KLKB1: variants seen among roughly 807,000 people sequenced by gnomAD.
KLKB1 encodes the protein kallikrein B1, also known as plasma kallikrein.
Under a neutral mutation model 73.6 loss-of-function variants are expected in KLKB1, and 58 were observed. The observed-to-expected ratio is 0.79, with a 90% CI of 0.64 to 0.98. The LOEUF is 0.98. Ranked by LOEUF, KLKB1 falls within the 50% of genes least tolerant of loss-of-function variation. The pLI is 0.00. For synonymous variants in KLKB1, 280 were observed against 258.1 expected (o/e 1.08, Z -0.81); for missense variants, 737 against 763.8 (o/e 0.96, Z 0.41).
intron 2 of KLKB1, among the ~76,000 whole-genome samples, chr4:186,213,967 C>T (rs941183327): frequency 2.0e-4 from 30 of 152,076 alleles, no homozygotes; most frequent in African/African-American, 7.0e-4. Context: ...CATCTTTTTC[C>T]TTCCCCAGCA....
chr4:186,217,021 T>C (rs35834666), intron 2 of KLKB1, among the ~76,000 whole-genome samples: 16,077 of 152,262 alleles, frequency 0.11, 932 homozygotes, highest in South Asian at 0.19. Context: ...TCCCCAGGAT[T>C]TGAGTGGGAG....
intron 2 of KLKB1, among the ~76,000 whole-genome samples, chr4:186,230,225 A>G (rs1309472095): frequency 1.3e-5 from 2 of 152,196 alleles, no homozygotes; most frequent in East Asian, 3.8e-4. Flanking sequence ...CAGTATACAA[A>G]CACTGGTTAT....
chr4:186,222,430 A>G (rs1737052239), upstream of KLKB1, among the ~76,000 whole-genome samples: 1 of 152,172 alleles, frequency 6.6e-6, no homozygotes, highest in Admixed American at 6.5e-5. Flanking sequence ...TATATCTACT[A>G]CAGACTTTTT....
intron 6 of KLKB1, among the ~76,000 whole-genome samples, chr4:186,242,285 A>G (rs1738095546): frequency 6.6e-6 from 1 of 151,696 alleles, no homozygotes; most frequent in Admixed American, 6.6e-5. Flanking sequence ...CAGGTCATCT[A>G]GATGTATACG....
chr4:186,229,600 G>T (rs991464955), intron 2 of KLKB1, among the ~76,000 whole-genome samples: 3 of 152,020 alleles, frequency 2.0e-5, no homozygotes, highest in Non-Finnish European at 4.4e-5. Context: ...GAATATTTTT[G>T]AAGGTTTTGT....
rs201143941 is a variant in KLKB1 at position 186,256,099 on chromosome 4, G to A, written c.1585+12G>A. 5.7e-5 allele frequency: 88 copies of A among 1,530,564 alleles called. No individual in the cohort carries two copies. Among genetic ancestry groups the A allele is most frequent in the Admixed American group, 1.0e-4 (6 of 59,898 alleles). 94.8% of individuals were successfully genotyped at this position (1,530,564 alleles called of 1,614,324 possible). ...CTCGAAGGAGAAAGGTAAGCATGAC[G>A]CTTTAAATATTGCTTCTAGAGTAAG... is the stretch of plus-strand genomic sequence containing the variant. On this transcript the variant is annotated intron_variant, in intron 13 of 14. Transcript: ENST00000264690.
chr4:186,247,453 A>G (rs1738415696), intron 6 of KLKB1, among the ~76,000 whole-genome samples: 2 of 152,202 alleles, frequency 1.3e-5, no homozygotes, highest in African/African-American at 4.8e-5. Context: ...CTTCTGAGCC[A>G]GGAGAAGGAA....
At chr4:186,235,350 T>TTTCCTAACTTCATCACC (rs57182850) in intron 4 of KLKB1, among the ~76,000 whole-genome samples, 1 of 151,678 alleles carries the variant, frequency 6.6e-6, no homozygotes, top group East Asian at 1.9e-4. Context: ...TTTAATGTTT[T>TTTCCTAACTTCATCACC]TTAAAGTGAA....
intron 13 of KLKB1, among the ~76,000 whole-genome samples, chr4:186,256,774 A>G (rs1175248108): frequency 6.6e-6 from 1 of 152,192 alleles, no homozygotes; most frequent in Non-Finnish European, 1.5e-5. Context: ...TATATAAAGC[A>G]AAAAAATGAA....
Position 186,257,296 on chromosome 4 carries a change from T to A in KLKB1, c.1656T>A (p.Tyr552Ter), listed in dbSNP as rs774873088. ...CAAATGAAGAATGCCAGAAAAGATA[T>A]CAAGATTATAAAATAACCCAACGGA... ...LVTNEECQKR[Y>*]QDYKITQRMV... Residue 552 changes from tyrosine to a stop codon, truncating the protein, a stop_gained, in exon 14 of 15, where the codon TAT (tyrosine) becomes TAA (stop). Transcript: ENST00000264690. LOFTEE classifies it high-confidence loss of function. 1.9e-6 allele frequency: 3 copies of A among 1,603,934 alleles called. No individual in the cohort carries two copies. The Admixed American group carries it at 5.0e-5, about 27-fold the overall frequency.
intron 2 of KLKB1, among the ~76,000 whole-genome samples, chr4:186,220,883 A>C (rs1411195856): frequency 6.6e-6 from 1 of 152,196 alleles, no homozygotes; most frequent in East Asian, 1.9e-4. Flanking sequence ...TTTGAGAAGG[A>C]TTGGTGTTAA....
At chr4:186,228,063 T>G in intron 1 of KLKB1, 132 bp from the exon 2 acceptor site, 1 of 648,674 alleles carries the variant, frequency 1.5e-6, no homozygotes, top group Non-Finnish European at 2.8e-6. Context: ...AAACCCTTGT[T>G]TTCTATACCA....
intron 6 of KLKB1, among the ~76,000 whole-genome samples, chr4:186,249,159 A>G (rs557399565): frequency 5.4e-4 from 83 of 152,338 alleles, no homozygotes; most frequent in African/African-American, 1.9e-3. Context: ...GAAGCACCAA[A>G]GTTTTTAAAC....
intron 1 of KLKB1, among the ~76,000 whole-genome samples, 151 bp downstream of exon 1, chr4:186,227,738 A>G (rs780129064): frequency 3.9e-5 from 6 of 152,220 alleles, no homozygotes; most frequent in Non-Finnish European, 8.8e-5. Flanking sequence ...AAATATTTAA[A>G]TGTAAGATGA....
chr4:186,215,024 G>C (rs906675734), intron 2 of KLKB1, among the ~76,000 whole-genome samples: 2 of 152,014 alleles, frequency 1.3e-5, no homozygotes, highest in Admixed American at 1.3e-4. Context: ...CTCAATTTAT[G>C]TTTCACAGAA....
intron 2 of KLKB1, among the ~76,000 whole-genome samples, chr4:186,231,601 G>A (rs1048193670): frequency 2.0e-5 from 3 of 152,236 alleles, no homozygotes; most frequent in South Asian, 2.1e-4. Flanking sequence ...CTGGGTGACC[G>A]TCACAGGACT....
chr4:186,233,053 T>G (rs1737481597), intron 3 of KLKB1, among the ~76,000 whole-genome samples: 1 of 152,090 alleles, frequency 6.6e-6, no homozygotes, highest in Admixed American at 6.6e-5. Context: ...TAGCTGGGAT[T>G]ACAGGCACGC....
At chr4:186,238,994 G>A (rs1737856086) in intron 6 of KLKB1, among the ~76,000 whole-genome samples, 1 of 122,074 alleles carries the variant, frequency 8.2e-6, no homozygotes, top group Admixed American at 8.4e-5. Context: ...ATAGGACAGT[G>A]ATATTGTTAT....
Position 186,258,403 on chromosome 4 carries a change from G to C in KLKB1, c.*191G>C, listed in dbSNP as rs1739135325. Reference sequence around the variant, plus strand: ...CGCTTTCAGCACGCCGTAACCAGGGGCTGACAATGCGAGGTCGCAACTGAG... The same window carrying C: ...CGCTTTCAGCACGCCGTAACCAGGGCCTGACAATGCGAGGTCGCAACTGAG... On this transcript the variant is annotated 3_prime_UTR_variant, in exon 15 of 15. Coordinates refer to ENST00000264690, the MANE Select transcript of KLKB1 (RefSeq NM_000892.5). The C allele has an allele frequency of 1.9e-5, 12 of 647,972 alleles. No individual in the cohort carries two copies. Among genetic ancestry groups the C allele is most frequent in the Non-Finnish European group, 3.3e-5 (12 of 358,630 alleles). 40.1% of individuals were successfully genotyped at this position (647,972 alleles called of 1,614,324 possible).
Sources: allele counts gnomAD v4.1 joint callset (sites outside exome capture counted in the v4.1 genomes callset), GRCh38; gene constraint gnomAD v4.1.1; transcripts MANE v1.5; gene names NCBI Gene and HGNC (gene_info 2026-07-23, HGNC 2026-07-21).